The following ZBTB25 variants were observed in gnomAD, a reference collection of about 807,000 sequenced individuals.
ZBTB25 encodes the protein zinc finger and BTB domain-containing protein 25.
Under a neutral mutation model 34.2 loss-of-function variants are expected in ZBTB25, and 20 were observed. The ratio of observed to expected loss-of-function variants is 0.58; its 90% CI spans 0.41 to 0.85. The LOEUF (loss-of-function observed/expected upper bound fraction) is 0.85, where lower values mean the gene tolerates loss of function less well. ZBTB25 is among the 40% of genes least tolerant of loss of function. The probability of loss-of-function intolerance (pLI) is 0.00; values close to 1 mark genes in which losing one functional copy is unlikely to be tolerated. For synonymous variants in ZBTB25, 175 were observed against 186.4 expected (o/e 0.94, Z 0.50); for missense variants, 437 against 521.8 (o/e 0.84, Z 1.58).
chr14:64,466,227 G>T (rs2078611965), intron 2 of ZBTB25, among the ~76,000 whole-genome samples: 1 of 152,218 alleles, frequency 6.6e-6, no homozygotes, highest in Non-Finnish European at 1.5e-5. Flanking sequence ...AGCTACCCTT[G>T]CTGGTTAAGA....
At position 64,478,111 on chromosome 14, in the gene ZBTB25, A is replaced by G. The variant is rs1015319271; in HGVS notation, c.*8812T>C. On this transcript the variant is annotated 3_prime_UTR_variant, in exon 3 of 3. Coordinates refer to ENST00000608382, the MANE Select transcript of ZBTB25 (RefSeq NM_006977.5). Reference sequence around the variant, plus strand: ...TATCACCAAATTGTTTCAATGAAAAACGTTTCAAACAGCGGAAGAGAATGT... The same window carrying G: ...TATCACCAAATTGTTTCAATGAAAAGCGTTTCAAACAGCGGAAGAGAATGT... 6.6e-6 allele frequency: 1 copy of G among 152,320 alleles called. No homozygotes were observed. Among genetic ancestry groups the G allele is most frequent in the South Asian group, 2.1e-4 (1 of 4,822 alleles). The allele number at this position is 152,320 out of a possible 1,614,324, so 9.4% of individuals were successfully genotyped here.
At position 64,485,306 on chromosome 14, in the gene ZBTB25, A is replaced by G. The variant is rs1326952446; in HGVS notation, c.*1617T>C. 61 of 985,368 alleles carry G rather than the reference A, an allele frequency of 6.2e-5. No homozygotes were observed. The highest frequency in any genetic ancestry group is 7.3e-5 in the Non-Finnish European group (61 of 829,946). 61.0% of individuals were successfully genotyped at this position (985,368 alleles called of 1,614,324 possible). On this transcript the variant is annotated 3_prime_UTR_variant, in exon 3 of 3. Coordinates refer to ENST00000608382, the MANE Select transcript of ZBTB25 (RefSeq NM_006977.5). Reference sequence around the variant, plus strand: ...TAAGTGGTTAAATTCTAAGGCTCACAAACCAAATTTTTTAGATGTATTCAA... The same window carrying G: ...TAAGTGGTTAAATTCTAAGGCTCACGAACCAAATTTTTTAGATGTATTCAA...
At chr14:64,471,650 T>A (rs1420548221) in intron 2 of ZBTB25, 2 of 167,088 alleles carry the variant, frequency 1.2e-5, no homozygotes, top group Non-Finnish European at 2.9e-5. Flanking sequence ...CAGGTTAGGA[T>A]TCAAAGTGTG....
At chr14:64,454,400 C>T (rs2078430033) in intron 2 of ZBTB25, among the ~76,000 whole-genome samples, 1 of 152,182 alleles carries the variant, frequency 6.6e-6, no homozygotes, top group South Asian at 2.1e-4. Context: ...AGGCATGAAC[C>T]ACTGCACCTG....
chr14:64,458,514 G>C, intron 2 of ZBTB25: 2 of 590,038 alleles, frequency 3.4e-6, no homozygotes, highest in South Asian at 3.9e-5. Flanking sequence ...ATTTTTGGAA[G>C]AAGCGCAGCA....
chr14:64,503,641 G>A lies in ZBTB25; in HGVS notation c.-8+20C>T, dbSNP rs954368228. On this transcript the variant is annotated intron_variant, in intron 1 of 2. Coordinates refer to ENST00000608382, the MANE Select transcript of ZBTB25 (RefSeq NM_006977.5). The stretch of plus-strand genomic sequence containing the variant: ...GACTGAGCCCGGGGCAGCCCACAGG[G>A]GCAGGACCGCGTCGCTTACCCAGAT... 44 of 983,628 alleles carry A rather than the reference G, an allele frequency of 4.5e-5. No individual in the cohort carries two copies. Among genetic ancestry groups the A allele is most frequent in the Non-Finnish European group, 5.1e-5 (42 of 828,418 alleles). The allele number at this position is 983,628 out of a possible 1,614,324, so 60.9% of individuals were successfully genotyped here. A position where few individuals can be genotyped will look rare whatever the true frequency, so the allele number is the denominator to read the frequency against.
chr14:64,484,156 T>C lies in ZBTB25; in HGVS notation c.*2767A>G, dbSNP rs913443264. On this transcript the variant is annotated 3_prime_UTR_variant, in exon 3 of 3. Coordinates refer to ENST00000608382, the MANE Select transcript of ZBTB25 (RefSeq NM_006977.5). ...AAGAGCATTTGCTTTGAATTTCTAA[T>C]ATTAAAAGGAACTATAAGAATAGAA... The C allele has an allele frequency of 5.3e-5, 8 of 152,182 alleles. No individual in the cohort carries two copies. Among genetic ancestry groups the C allele is most frequent in the African/African-American group, 9.7e-5 (4 of 41,440 alleles). 9.4% of individuals were successfully genotyped at this position (152,182 alleles called of 1,614,324 possible).
At chr14:64,449,705 C>T in intron 2 of ZBTB25, 1 of 1,502,680 alleles carries the variant, frequency 6.7e-7, no homozygotes. Context: ...CTATTAGAGC[C>T]CCATGCTTCG....
chr14:64,494,497 G>A (rs2079198964), intron 1 of ZBTB25, among the ~76,000 whole-genome samples: 1 of 152,158 alleles, frequency 6.6e-6, no homozygotes, highest in Non-Finnish European at 1.5e-5. Flanking sequence ...GCCAGGTGTG[G>A]TAGCACATGC....
At chr14:64,450,082 G>A (rs1400667075) in intron 2 of ZBTB25, among the ~76,000 whole-genome samples, 2 of 152,196 alleles carry the variant, frequency 1.3e-5, no homozygotes, top group African/African-American at 4.8e-5. Context: ...GAGCCACTGC[G>A]TCCGCCCAGA....
Position 64,481,112 on chromosome 14 carries a change from T to A in ZBTB25, c.*5811A>T, listed in dbSNP as rs2141014318. On this transcript the variant is annotated 3_prime_UTR_variant, in exon 3 of 3. Coordinates refer to ENST00000608382, the MANE Select transcript of ZBTB25 (RefSeq NM_006977.5). Reference sequence around the variant, plus strand: ...ACCTGGCTTATTTTTGTATTTTTAGTAGAGACAGGGTTTCGCCATGTTAGC... The same window carrying A: ...ACCTGGCTTATTTTTGTATTTTTAGAAGAGACAGGGTTTCGCCATGTTAGC... 6.6e-6 allele frequency: 1 copy of A among 152,296 alleles called. No individual in the cohort carries two copies. The highest frequency in any genetic ancestry group is 1.5e-5 in the Non-Finnish European group (1 of 68,090). The allele number at this position is 152,296 out of a possible 1,614,324, so 9.4% of individuals were successfully genotyped here.
exon 3 of ZBTB25, chr14:64,449,132 C>T (rs1409164255): frequency 2.5e-6 from 1 of 407,748 alleles, no homozygotes; most frequent in Non-Finnish European, 4.6e-6. Flanking sequence ...TTTACTGATT[C>T]CTTCTGGAGT....
rs2078800102 is a variant in ZBTB25 at position 64,481,961 on chromosome 14, T to A, written c.*4962A>T. 1 of 152,238 alleles carries A rather than the reference T, an allele frequency of 6.6e-6. No homozygotes were observed. The highest frequency in any genetic ancestry group is 6.5e-5 in the Admixed American group (1 of 15,286). 9.4% of individuals were successfully genotyped at this position (152,238 alleles called of 1,614,324 possible). A position where few individuals can be genotyped will look rare whatever the true frequency, so the allele number is the denominator to read the frequency against. On this transcript the variant is annotated 3_prime_UTR_variant, in exon 3 of 3. Coordinates refer to ENST00000608382, the MANE Select transcript of ZBTB25 (RefSeq NM_006977.5). ...TCAATTACTACAAAAAATGGACATT[T>A]ATCAAGTATCTGACTCACAACATCA...
At chr14:64,464,738 T>C (rs2078592395) in intron 2 of ZBTB25, among the ~76,000 whole-genome samples, 1 of 152,208 alleles carries the variant, frequency 6.6e-6, no homozygotes, top group African/African-American at 2.4e-5. Context: ...TCATAGGGAA[T>C]GTCCTGAAGG....
chr14:64,489,310 A>C (rs1217766788), intron 2 of ZBTB25, among the ~76,000 whole-genome samples: 1 of 152,128 alleles, frequency 6.6e-6, no homozygotes, highest in African/African-American at 2.4e-5. Context: ...CAAAAGTGTT[A>C]TATGAAACAA....
rs2078849132 is a variant in ZBTB25 at position 64,485,565 on chromosome 14, G to A, written c.*1358C>T. 1.0e-6 allele frequency: 1 copy of A among 985,150 alleles called. No homozygotes were observed. Among genetic ancestry groups the A allele is most frequent in the South Asian group, 4.7e-5 (1 of 21,294 alleles). 61.0% of individuals were successfully genotyped at this position (985,150 alleles called of 1,614,324 possible). A position where few individuals can be genotyped will look rare whatever the true frequency, so the allele number is the denominator to read the frequency against. ...CTTTGTAAGTGTCACCATTATAAAA[G>A]AGAGTTAAGTTGATTTATAGAGGAA... On this transcript the variant is annotated 3_prime_UTR_variant, in exon 3 of 3. Coordinates refer to ENST00000608382, the MANE Select transcript of ZBTB25 (RefSeq NM_006977.5).
At chr14:64,500,242 G>T (rs2079439425) in intron 1 of ZBTB25, among the ~76,000 whole-genome samples, 1 of 151,880 alleles carries the variant, frequency 6.6e-6, no homozygotes, top group African/African-American at 2.4e-5. Context: ...AAAACTTCTG[G>T]ATACAAGTAA....
intron 2 of ZBTB25, among the ~76,000 whole-genome samples, chr14:64,454,379 C>G (rs531701880): frequency 2.0e-5 from 3 of 152,264 alleles, no homozygotes; most frequent in Admixed American, 1.3e-4. Context: ...TCCCAAAGTG[C>G]TGGAATTTAT....
At chr14:64,463,815 A>C (rs1311644856) in intron 2 of ZBTB25, among the ~76,000 whole-genome samples, 1 of 152,048 alleles carries the variant, frequency 6.6e-6, no homozygotes, top group Non-Finnish European at 1.5e-5. Flanking sequence ...CACCTAAATA[A>C]GCTCATCTTA....
Sources: allele counts gnomAD v4.1 joint callset (sites outside exome capture counted in the v4.1 genomes callset), GRCh38; gene constraint gnomAD v4.1.1; transcripts MANE v1.5; gene names NCBI Gene and HGNC (gene_info 2026-07-23, HGNC 2026-07-21).